XKR6: variants seen among roughly 807,000 people sequenced by gnomAD.
The protein encoded by XKR6 is XK related 6, also known as XK-related protein 6.
XKR6 carries 22 observed loss-of-function variants against 56.7 expected under a neutral mutation model. That is an observed-to-expected ratio of 0.39 (90% CI 0.28 to 0.55). XKR6 has a LOEUF of 0.55. Among genes scored for constraint, XKR6 ranks in the 20% least tolerant of loss-of-function variants. The probability of loss-of-function intolerance (pLI) is 0.66; values close to 1 mark genes in which losing one functional copy is unlikely to be tolerated. For missense variants in XKR6, 852 were observed against 889.0 expected (o/e 0.96, Z 0.53); for synonymous variants, 524 against 387.8 (o/e 1.35, Z -4.13).
intron 1 of XKR6, among the ~76,000 whole-genome samples, chr8:11,133,031 T>C (rs1162043357): frequency 6.6e-6 from 1 of 152,098 alleles, no homozygotes; most frequent in African/African-American, 2.4e-5. Flanking sequence ...AGTAATTCAT[T>C]TGACATCTAA....
chr8:10,981,270 A>G (rs1797729179), intron 1 of XKR6, among the ~76,000 whole-genome samples: 1 of 152,236 alleles, frequency 6.6e-6, no homozygotes, highest in Non-Finnish European at 1.5e-5. Context: ...TTCGAGAGTG[A>G]AGTTATGAAT....
chr8:11,000,892 C>G (rs1798223027), intron 1 of XKR6, among the ~76,000 whole-genome samples: 1 of 152,052 alleles, frequency 6.6e-6, no homozygotes, highest in South Asian at 2.1e-4. Flanking sequence ...ACACGTGGTC[C>G]AGAGAGTATA....
At chr8:11,144,840 AGGAAG>A (rs921621079) in intron 1 of XKR6, among the ~76,000 whole-genome samples, 9 of 141,684 alleles carry the variant, frequency 6.4e-5, no homozygotes, top group African/African-American at 2.3e-4. Flanking sequence ...CTCAGTTTGG[AGGAAG>A]GGAAGGGAAG....
intron 1 of XKR6, among the ~76,000 whole-genome samples, chr8:11,144,521 C>A (rs564045977): frequency 6.6e-6 from 1 of 152,100 alleles, no homozygotes; most frequent in East Asian, 1.9e-4. Context: ...GGCGCAGGCA[C>A]AGGATGGCGC....
intron 1 of XKR6, among the ~76,000 whole-genome samples, chr8:11,070,843 C>A (rs996763169): frequency 6.6e-6 from 1 of 152,228 alleles, no homozygotes; most frequent in African/African-American, 2.4e-5. Context: ...AGGATCAAGA[C>A]GGAAGCCTTC....
intron 2 of XKR6, among the ~76,000 whole-genome samples, chr8:10,911,174 T>C (rs1227759008): frequency 6.6e-6 from 1 of 150,758 alleles, no homozygotes; most frequent in Non-Finnish European, 1.5e-5. Context: ...ATTTTGAGTA[T>C]ATATACATAT....
chr8:11,107,418 T>C (rs1354083264), intron 1 of XKR6, among the ~76,000 whole-genome samples: 1 of 152,048 alleles, frequency 6.6e-6, no homozygotes, highest in Non-Finnish European at 1.5e-5. Context: ...CTCCTGGCCT[T>C]GGGCAGTCCT....
At chr8:11,094,959 C>G (rs1371504909) in intron 1 of XKR6, among the ~76,000 whole-genome samples, 1 of 152,158 alleles carries the variant, frequency 6.6e-6, no homozygotes, top group Non-Finnish European at 1.5e-5. Context: ...TGATGGGATG[C>G]TCTGTGAAGC....
intron 1 of XKR6, among the ~76,000 whole-genome samples, chr8:10,938,972 G>A (rs1370135033): frequency 6.6e-6 from 1 of 152,162 alleles, no homozygotes; most frequent in East Asian, 1.9e-4. Flanking sequence ...ATAAAAGTGA[G>A]GGGCCCTAAA....
chr8:10,949,113 T>C lies in XKR6; in HGVS notation c.765-24283A>G, dbSNP rs530279298. On this transcript the variant is annotated intron_variant, in intron 1 of 2. Coordinates refer to ENST00000416569, the MANE Select transcript of XKR6 (RefSeq NM_173683.4). ...CTGGAAACACCCTGGGAGTCCGGGG[T>C]GAGCCCTGGCTGGAGGAGCCTGGGC... Among the ~76,000 whole-genome samples, 29 of 152,280 alleles carry C rather than the reference T, an allele frequency of 1.9e-4. 1 individual carries two copies. The Middle Eastern group carries it at 0.027, about 143-fold the overall frequency.
chr8:11,131,678 T>C (rs994429810), intron 1 of XKR6, among the ~76,000 whole-genome samples: 1 of 152,182 alleles, frequency 6.6e-6, no homozygotes, highest in African/African-American at 2.4e-5. Flanking sequence ...AATATTCTGG[T>C]CAATGATGGA....
chr8:11,036,431 A>T (rs1799145856), intron 1 of XKR6, among the ~76,000 whole-genome samples: 1 of 152,172 alleles, frequency 6.6e-6, no homozygotes, highest in Non-Finnish European at 1.5e-5. Context: ...GAGTTTCCAA[A>T]CCGTTGAATG....
At chr8:11,141,790 G>C (rs1183524414) in intron 1 of XKR6, among the ~76,000 whole-genome samples, 8 of 152,174 alleles carry the variant, frequency 5.3e-5, no homozygotes, top group Non-Finnish European at 1.0e-4. Flanking sequence ...TGACAACTGA[G>C]AGGGAAAAGG....
chr8:10,988,085 C>A (rs1186467259), intron 1 of XKR6, among the ~76,000 whole-genome samples: 1 of 152,308 alleles, frequency 6.6e-6, no homozygotes, highest in African/African-American at 2.4e-5. Flanking sequence ...CCGGGCCATC[C>A]CCTCTAAAGT....
chr8:11,033,084 GGTGATA>G (rs952766539), intron 1 of XKR6, among the ~76,000 whole-genome samples: 2 of 151,934 alleles, frequency 1.3e-5, no homozygotes, highest in African/African-American at 4.8e-5. Flanking sequence ...CGATGGTAAT[GGTGATA>G]ATGATGATGA....
chr8:11,055,429 G>A (rs1453060212), intron 1 of XKR6, among the ~76,000 whole-genome samples: 1 of 152,202 alleles, frequency 6.6e-6, no homozygotes, highest in Non-Finnish European at 1.5e-5. Context: ...CAAGGTCGGG[G>A]CCTTGAGGGC....
At chr8:11,010,385 C>T (rs1278009099) in intron 1 of XKR6, among the ~76,000 whole-genome samples, 2 of 152,114 alleles carry the variant, frequency 1.3e-5, no homozygotes, top group Non-Finnish European at 2.9e-5. Flanking sequence ...AAAAACTGGT[C>T]CCAGGCACTT....
intron 1 of XKR6, chr8:11,035,294 T>G (rs372686218): frequency 1.9e-6 from 1 of 534,662 alleles, no homozygotes; most frequent in African/African-American, 1.9e-5. Flanking sequence ...ATCAGCAGCA[T>G]CATCAAGCCA....
At position 11,160,926 on chromosome 8, in the gene XKR6, A is replaced by G. The variant is rs574520981; in HGVS notation, c.764+39650T>C. Among the ~76,000 whole-genome samples the G allele has an allele frequency of 2.4e-4, 37 of 151,368 alleles. No homozygotes were observed. The East Asian group carries it at 4.4e-3, about 18-fold the overall frequency. ...GACTCCGTCTCAAAAAAAAAAAAAA[A>G]AAAAAGAAAAAAAAAGGGTTCACAC... On this transcript the variant is annotated intron_variant, in intron 1 of 2. Coordinates refer to ENST00000416569, the MANE Select transcript of XKR6 (RefSeq NM_173683.4).
Sources: gnomAD v4.1 joint callset for allele counts (sites outside exome capture counted in the v4.1 genomes callset) on GRCh38, gnomAD v4.1.1 for gene constraint, MANE v1.5 for transcripts, NCBI Gene and HGNC (gene_info 2026-07-23, HGNC 2026-07-21) for gene names.